CSPP1: variants seen among roughly 807,000 people sequenced by gnomAD.
CSPP1 encodes centrosome and spindle pole associated protein 1, also known as centrosome and spindle pole-associated protein 1.
Under a neutral mutation model 164.4 loss-of-function variants are expected in CSPP1, and 126 were observed. The observed-to-expected ratio is 0.77, with a 90% CI of 0.66 to 0.89. The LOEUF is 0.89. Ranked by LOEUF, CSPP1 falls within the 40% of genes least tolerant of loss-of-function variation. The pLI is 0.00. For synonymous variants in CSPP1, 472 were observed against 476.7 expected (o/e 0.99, Z 0.13); for missense variants, 1,395 against 1,449.8 (o/e 0.96, Z 0.61).
At chr8:67,100,992 G>A (rs1306337248) in intron 7 of CSPP1, among the ~76,000 whole-genome samples, 1 of 152,056 alleles carries the variant, frequency 6.6e-6, no homozygotes, top group Admixed American at 6.6e-5. Flanking sequence ...ACAGCAAAAT[G>A]ATACAATGCA....
At chr8:67,160,427 GGCAC>G (rs1828110319) in intron 21 of CSPP1, among the ~76,000 whole-genome samples, 1 of 150,062 alleles carries the variant, frequency 6.7e-6, no homozygotes, top group Non-Finnish European at 1.5e-5. Context: ...ACTGCACTGT[GGCAC>G]TCCAGCCTGG....
intron 1 of CSPP1, chr8:67,064,741 C>T: frequency 8.1e-6 from 1 of 122,760 alleles, no homozygotes; most frequent in Non-Finnish European, 1.4e-5. Context: ...CGGCTGGGTG[C>T]GGTGGGGGAG....
At chr8:67,159,446 T>TA (rs1211918300) in intron 21 of CSPP1, among the ~76,000 whole-genome samples, 1 of 151,516 alleles carries the variant, frequency 6.6e-6, no homozygotes, top group Non-Finnish European at 1.5e-5. Context: ...AACTGTTTGT[T>TA]ATGGTTCATG....
At chr8:67,163,654 A>C in intron 22 of CSPP1, 78 bp from the exon 23 acceptor site, 1 of 1,049,636 alleles carries the variant, frequency 9.5e-7, no homozygotes, top group South Asian at 1.5e-5. Flanking sequence ...ACATATAAAT[A>C]CTTCAAAAAA....
At chr8:67,084,816 A>G (rs1023404912) in intron 3 of CSPP1, among the ~76,000 whole-genome samples, 1 of 151,944 alleles carries the variant, frequency 6.6e-6, no homozygotes, top group Non-Finnish European at 1.5e-5. Context: ...TATTATGTGT[A>G]TAGTAGGACT....
At position 67,115,946 on chromosome 8, in the gene CSPP1, A is replaced by G. The variant is rs1817847996; in HGVS notation, c.1320A>G (p.Pro440=). ...GACTAAAGCAGTTTAGTGTGGCACC[A>G]AGACACTTTGAAGAGATGATACCAC... ...PDRLKQFSVA[P]RHFEEMIPPE... The change falls in exon 13 of 31, where the codon CCA becomes CCG. Residue 440 remains proline, a synonymous_variant. Coordinates refer to ENST00000678616, the MANE Select transcript of CSPP1 (RefSeq NM_001382391.1). 5 of 1,614,044 alleles carry G rather than the reference A, an allele frequency of 3.1e-6. No individual in the cohort carries two copies. Among genetic ancestry groups the G allele is most frequent in the African/African-American group, 1.3e-5 (1 of 75,022 alleles).
chr8:67,159,040 AAG>A lies in CSPP1; in HGVS notation c.2443_2444del (p.Glu815SerfsTer13). Reference sequence around the variant, plus strand: ...ATTCGGTTAGCTGAAGAAAGACAAAAAGAAGCAGAAAGAAAGAAGAAAGAAGA... The same window carrying A: ...ATTCGGTTAGCTGAAGAAAGACAAAAAAGCAGAAAGAAAGAAGAAAGAAGA... On this transcript the variant is annotated frameshift_variant, in exon 21 of 31. Transcript: ENST00000678616. LOFTEE classifies it high-confidence loss of function. 6.2e-7 allele frequency: 1 copy of A among 1,612,666 alleles called. No homozygotes were observed. The highest frequency in any genetic ancestry group is 8.5e-7 in the Non-Finnish European group (1 of 1,179,278).
chr8:67,193,081 C>G (rs1227481911), intron 29 of CSPP1, among the ~76,000 whole-genome samples: 1 of 152,164 alleles, frequency 6.6e-6, no homozygotes, highest in Non-Finnish European at 1.5e-5. Flanking sequence ...TTGTTCATCA[C>G]AGTGTACATT....
intron 18 of CSPP1, among the ~76,000 whole-genome samples, chr8:67,151,533 C>G (rs1210396967): frequency 6.6e-6 from 1 of 152,036 alleles, no homozygotes; most frequent in East Asian, 1.9e-4. Flanking sequence ...CACTTTTTAG[C>G]CATCTAGCTT....
chr8:67,099,300 T>G (rs781715843), intron 7 of CSPP1: 32 of 152,098 alleles, frequency 2.1e-4, no homozygotes, highest in Non-Finnish European at 1.3e-4. Flanking sequence ...TTTAGATAGA[T>G]TTTCTATGGC....
intron 8 of CSPP1, among the ~76,000 whole-genome samples, chr8:67,104,747 C>G (rs1172934213): frequency 6.6e-6 from 1 of 151,604 alleles, no homozygotes; most frequent in African/African-American, 2.4e-5. Flanking sequence ...AAGTGATTCT[C>G]CTGCCTCGGC....
intron 22 of CSPP1, among the ~76,000 whole-genome samples, chr8:67,163,149 C>T (rs556871198): frequency 8.3e-4 from 126 of 152,210 alleles, no homozygotes; most frequent in Middle Eastern, 6.8e-3. Flanking sequence ...TTGGGGGTCA[C>T]TTGATGACTT....
intron 9 of CSPP1, among the ~76,000 whole-genome samples, chr8:67,110,253 C>T (rs977062752): frequency 6.6e-6 from 1 of 151,384 alleles, no homozygotes; most frequent in East Asian, 1.9e-4. Context: ...GAATTTTTTC[C>T]CAAATGATTT....
At chr8:67,165,061 G>A (rs550201126) in intron 24 of CSPP1, among the ~76,000 whole-genome samples, 2 of 152,280 alleles carry the variant, frequency 1.3e-5, no homozygotes, top group East Asian at 3.9e-4. Flanking sequence ...AAGGTGGGCG[G>A]ATCACGAGGT....
chr8:67,065,614 C>T (rs1805382471), intron 1 of CSPP1: 5 of 540,616 alleles, frequency 9.2e-6, no homozygotes, highest in Non-Finnish European at 1.2e-5. Flanking sequence ...TGCTGAAATG[C>T]TCCACAAGGA....
chr8:67,118,344 T>A lies in CSPP1; in HGVS notation c.1593T>A (p.Asn531Lys). 6.2e-7 allele frequency: 1 copy of A among 1,613,674 alleles called. No individual in the cohort carries two copies. Among genetic ancestry groups the A allele is most frequent in the Non-Finnish European group, 8.5e-7 (1 of 1,179,650 alleles). Residue 531 changes from asparagine (N) to lysine (K), a missense_variant, in exon 14 of 31, where the codon AAT (asparagine) becomes AAA (lysine). By Grantham distance (94) the Asn-to-Lys change is moderately conservative. Transcript: ENST00000678616. ...CATACTATTTTTATGGGTCCAGGAATACTTTCGATCCCAGTCTTGCTTATT... is the reference window on the plus strand; with the variant it reads ...CATACTATTTTTATGGGTCCAGGAAAACTTTCGATCCCAGTCTTGCTTATT... ...DDAYYFYGSR[N>K]TFDPSLAYYG...
At chr8:67,101,958 A>G (rs963882047) in intron 7 of CSPP1, among the ~76,000 whole-genome samples, 8 of 152,218 alleles carry the variant, frequency 5.3e-5, no homozygotes, top group African/African-American at 1.7e-4. Flanking sequence ...ACGGATGCCA[A>G]TAAGTGTTGG....
At chr8:67,097,832 T>G (rs1586055591) in intron 7 of CSPP1, among the ~76,000 whole-genome samples, 1 of 152,050 alleles carries the variant, frequency 6.6e-6, no homozygotes, top group Non-Finnish European at 1.5e-5. Flanking sequence ...CAATATAAAC[T>G]TTTCCAAATA....
intron 13 of CSPP1, 34 bp from the exon 14 acceptor site, chr8:67,118,214 A>T: frequency 6.2e-7 from 1 of 1,608,996 alleles, no homozygotes; most frequent in Non-Finnish European, 8.5e-7. Context: ...GCAATGAAAT[A>T]TGAGAGGAAT....
Sources: allele counts gnomAD v4.1 joint callset (sites outside exome capture counted in the v4.1 genomes callset), GRCh38; gene constraint gnomAD v4.1.1; transcripts MANE v1.5; gene names NCBI Gene and HGNC (gene_info 2026-07-23, HGNC 2026-07-21).